Variants in ARHGAP6 observed in about 807,000 individuals in gnomAD.
ARHGAP6 encodes the protein Rho GTPase activating protein 6, also known as rho GTPase-activating protein 6.
Under a neutral mutation model 55.7 loss-of-function variants are expected in ARHGAP6, and 16 were observed. The observed-to-expected ratio is 0.29, with a 90% CI of 0.19 to 0.44. The LOEUF (loss-of-function observed/expected upper bound fraction) is 0.44. Ranked by LOEUF, ARHGAP6 falls within the 20% of genes least tolerant of loss-of-function variation. The probability of loss-of-function intolerance (pLI) is 1.00; values close to 1 mark genes in which losing one functional copy is unlikely to be tolerated. For missense variants in ARHGAP6, 698 were observed against 808.9 expected (o/e 0.86, Z 1.66); for synonymous variants, 382 against 360.9 (o/e 1.06, Z -0.66).
chrX:11,636,020 G>A (rs1040059798), intron 1 of ARHGAP6, among the ~76,000 whole-genome samples: 28 of 111,592 alleles, frequency 2.5e-4, no homozygotes, highest in East Asian at 5.6e-4. Flanking sequence ...TATAAACAAA[G>A]TACTCTAAAG....
chrX:11,486,635 C>T (rs1285078188), intron 1 of ARHGAP6, among the ~76,000 whole-genome samples: 1 of 111,948 alleles, frequency 8.9e-6, no homozygotes, highest in East Asian at 2.8e-4. Flanking sequence ...GTATCTGCAT[C>T]AGGTGGGGCA....
intron 1 of ARHGAP6, among the ~76,000 whole-genome samples, chrX:11,513,133 T>A (rs1242755032): frequency 9.0e-6 from 1 of 111,600 alleles, no homozygotes; most frequent in African/African-American, 3.3e-5. Flanking sequence ...ACTCAACTGA[T>A]GATTGCCTCC....
chrX:11,391,307 C>T (rs1170243464), intron 1 of ARHGAP6, among the ~76,000 whole-genome samples: 1 of 110,448 alleles, frequency 9.1e-6, no homozygotes, highest in African/African-American at 3.3e-5. Context: ...CACACCGGGG[C>T]CTGTTGTGGG....
intron 1 of ARHGAP6, among the ~76,000 whole-genome samples, chrX:11,643,422 C>T (rs73505483): frequency 0.013 from 1,467 of 112,094 alleles, 28 homozygotes; most frequent in African/African-American, 0.045. Flanking sequence ...ACTCCCTCTT[C>T]TTTGTTTCCA....
At chrX:11,495,677 C>T (rs986352064) in intron 1 of ARHGAP6, among the ~76,000 whole-genome samples, 4 of 111,646 alleles carry the variant, frequency 3.6e-5, no homozygotes, top group African/African-American at 1.3e-4. Context: ...TCTTTCCCTT[C>T]CTGGTATTTA....
chrX:11,516,559 A>G (rs891036722), intron 1 of ARHGAP6, among the ~76,000 whole-genome samples: 6 of 111,895 alleles, frequency 5.4e-5, no homozygotes, highest in African/African-American at 9.7e-5. Context: ...AATAGCTAAC[A>G]TTTACTGTGC....
intron 1 of ARHGAP6, among the ~76,000 whole-genome samples, chrX:11,449,028 C>G (rs776568790): frequency 1.7e-4 from 19 of 111,169 alleles, no homozygotes; most frequent in Non-Finnish European, 3.6e-4. Flanking sequence ...GGTTTCTATA[C>G]TTCTCTGGGG....
intron 1 of ARHGAP6, among the ~76,000 whole-genome samples, chrX:11,497,559 T>TCTCTCTCTCTCTCTC (rs2050635811): frequency 2.4e-5 from 1 of 41,132 alleles, no homozygotes; most frequent in Non-Finnish European, 4.3e-5. Flanking sequence ...CCCTCCCTCC[T>TCTCTCTCTCTCTCTC]TCTCTCTCTC....
At chrX:11,258,804 C>T (rs777828908) in intron 1 of ARHGAP6, among the ~76,000 whole-genome samples, 14 of 111,624 alleles carry the variant, frequency 1.3e-4, no homozygotes, top group African/African-American at 4.2e-4. Flanking sequence ...GACCCAGTGA[C>T]CAAGACAATA....
chrX:11,211,589 G>T (rs1358384074), intron 2 of ARHGAP6, among the ~76,000 whole-genome samples: 1 of 108,861 alleles, frequency 9.2e-6, no homozygotes, highest in Non-Finnish European at 1.9e-5. Context: ...TGTCGCCCAG[G>T]CTGGAGTGCA....
At chrX:11,398,282 A>AC (rs771911732) in intron 1 of ARHGAP6, among the ~76,000 whole-genome samples, 8 of 109,918 alleles carry the variant, frequency 7.3e-5, no homozygotes, top group Non-Finnish European at 7.6e-5. Context: ...AAAAAAAAAA[A>AC]AGAAACCGTG....
At chrX:11,410,744 G>A (rs775815863) in intron 1 of ARHGAP6, among the ~76,000 whole-genome samples, 6 of 111,387 alleles carry the variant, frequency 5.4e-5, no homozygotes, top group Admixed American at 3.8e-4. Flanking sequence ...CACTTAGCAG[G>A]AAGGCCTCTC....
chrX:11,623,652 G>A (rs1461333706), intron 1 of ARHGAP6, among the ~76,000 whole-genome samples: 25 of 101,919 alleles, frequency 2.5e-4, no homozygotes, highest in Admixed American at 2.2e-3. Context: ...AGCCGAGATC[G>A]CGCCACTGCA....
At chrX:11,271,471 A>G (rs1446868758) in intron 1 of ARHGAP6, among the ~76,000 whole-genome samples, 1 of 111,467 alleles carries the variant, frequency 9.0e-6, no homozygotes, top group Non-Finnish European at 1.9e-5. Flanking sequence ...GCACTTTGCA[A>G]AAGTCTCTTC....
chrX:11,461,468 G>C (rs371994839), intron 1 of ARHGAP6, among the ~76,000 whole-genome samples: 4 of 111,836 alleles, frequency 3.6e-5, no homozygotes, highest in Non-Finnish European at 3.8e-5. Context: ...CCACACAAAG[G>C]GGGGAGCTAT....
chrX:11,508,852 TACACACAC>T (rs199575300), intron 1 of ARHGAP6, among the ~76,000 whole-genome samples: 29 of 101,993 alleles, frequency 2.8e-4, no homozygotes, highest in East Asian at 9.4e-4. Context: ...CAACTCATAC[TACACACAC>T]ACACACACAC....
At chrX:11,357,997 T>C (rs5935032) in intron 1 of ARHGAP6, among the ~76,000 whole-genome samples, 6,748 of 111,718 alleles carry the variant, frequency 0.06, 219 homozygotes, top group African/African-American at 0.13. Context: ...TGGAGCATTT[T>C]CATCACCTTA....
chrX:11,567,566 A>AAAAAAAAAAAAAAAAAATATAT (rs1440758737), intron 1 of ARHGAP6, among the ~76,000 whole-genome samples: 6 of 84,409 alleles, frequency 7.1e-5, no homozygotes, highest in Admixed American at 5.9e-4. Flanking sequence ...AAAAAAAAAA[A>AAAAAAAAAAAAAAAAAATATAT]ATATATATAT....
chrX:11,546,586 C>T (rs2051213822), intron 1 of ARHGAP6, among the ~76,000 whole-genome samples: 1 of 111,539 alleles, frequency 9.0e-6, no homozygotes, highest in South Asian at 3.7e-4. Flanking sequence ...TGCTGTTTGT[C>T]TTCTACAATC....
Sources: gnomAD v4.1 joint callset for allele counts (sites outside exome capture counted in the v4.1 genomes callset) on GRCh38, gnomAD v4.1.1 for gene constraint, MANE v1.5 for transcripts, NCBI Gene and HGNC (gene_info 2026-07-23, HGNC 2026-07-21) for gene names.